DNAH9: variants seen among roughly 807,000 people sequenced by gnomAD.
DNAH9 encodes the protein DNAH9 variant protein.
A neutral mutation model predicts 471.6 loss-of-function variants in DNAH9; 345 were observed. The observed-to-expected ratio is 0.73, with a 90% CI of 0.67 to 0.80. The LOEUF (loss-of-function observed/expected upper bound fraction) is 0.80, where lower values mean the gene tolerates loss of function less well. DNAH9 is among the 30% of genes least tolerant of loss of function. The pLI is 0.00. For missense variants in DNAH9, 5,407 were observed against 5,609.2 expected (o/e 0.96, Z 1.15); for synonymous variants, 2,093 against 2,123.6 (o/e 0.99, Z 0.40).
At chr17:11,854,754 T>C (rs1399010652) in intron 50 of DNAH9, among the ~76,000 whole-genome samples, 2 of 152,224 alleles carry the variant, frequency 1.3e-5, no homozygotes, top group Non-Finnish European at 2.9e-5. Flanking sequence ...TTACCCTTTT[T>C]ACCTGTTCCC....
intron 27 of DNAH9, among the ~76,000 whole-genome samples, chr17:11,721,044 G>A (rs963651911): frequency 1.3e-5 from 2 of 151,922 alleles, no homozygotes; most frequent in African/African-American, 4.8e-5. Flanking sequence ...CATTGTGAAA[G>A]AAACACTCAT....
intron 49 of DNAH9, among the ~76,000 whole-genome samples, chr17:11,843,060 C>T (rs1474527666): frequency 6.6e-6 from 1 of 152,140 alleles, no homozygotes; most frequent in Admixed American, 6.6e-5. Flanking sequence ...AAAACCAATC[C>T]CAATCCAGGA....
chr17:11,861,731 ATGATATCTCATTGTGG>A (rs1336851979), intron 50 of DNAH9, among the ~76,000 whole-genome samples: 6 of 152,120 alleles, frequency 3.9e-5, no homozygotes, highest in Non-Finnish European at 5.9e-5. Flanking sequence ...CTGGTGTGAG[ATGATATCTCATTGTGG>A]TTTTGATTTT....
chr17:11,955,573 C>T (rs986018976), intron 67 of DNAH9, among the ~76,000 whole-genome samples: 1 of 152,162 alleles, frequency 6.6e-6, no homozygotes, highest in Non-Finnish European at 1.5e-5. Flanking sequence ...GCTAGAAGGA[C>T]TCATGAGTTT....
chr17:11,951,104 T>C (rs965126864), intron 67 of DNAH9, among the ~76,000 whole-genome samples: 7 of 152,146 alleles, frequency 4.6e-5, no homozygotes, highest in African/African-American at 9.7e-5. Flanking sequence ...CCCCAAACAA[T>C]TTTGTATAGA....
intron 50 of DNAH9, among the ~76,000 whole-genome samples, chr17:11,862,766 T>G (rs2150978831): frequency 6.6e-6 from 1 of 152,248 alleles, no homozygotes; most frequent in South Asian, 2.1e-4. Context: ...CTAGGTATTT[T>G]ATTCTCTTTG....
chr17:11,861,594 C>T (rs1224337312), intron 50 of DNAH9, among the ~76,000 whole-genome samples: 2 of 149,938 alleles, frequency 1.3e-5, no homozygotes, highest in East Asian at 2.0e-4. Flanking sequence ...CCTGAGGAAT[C>T]GCCACACTGA....
intron 43 of DNAH9, among the ~76,000 whole-genome samples, chr17:11,801,412 G>A (rs1164503691): frequency 1.3e-5 from 2 of 152,138 alleles, no homozygotes; most frequent in African/African-American, 2.4e-5. Flanking sequence ...TCAACCTGCC[G>A]GGCACCGTGG....
intron 51 of DNAH9, 48 bp from the exon 52 acceptor site, chr17:11,871,550 C>T: frequency 6.4e-7 from 1 of 1,560,902 alleles, no homozygotes; most frequent in Non-Finnish European, 8.8e-7. Context: ...GGCTCTATCA[C>T]CTACTGTGTA....
intron 49 of DNAH9, among the ~76,000 whole-genome samples, chr17:11,841,231 A>C (rs187793994): frequency 8.5e-5 from 13 of 152,322 alleles, no homozygotes; most frequent in Admixed American, 8.5e-4. Flanking sequence ...GGCAAGTCTC[A>C]ATCATTTTAG....
chr17:11,894,240 C>A, intron 58 of DNAH9, 134 bp from the exon 59 acceptor site: 1 of 1,168,900 alleles, frequency 8.6e-7, no homozygotes. Context: ...CCACTCTACC[C>A]TCATTAAACA....
chr17:11,787,937 A>C (rs1275330212), intron 41 of DNAH9, among the ~76,000 whole-genome samples: 2 of 152,196 alleles, frequency 1.3e-5, no homozygotes, highest in East Asian at 3.8e-4. Flanking sequence ...AAGTCCAATG[A>C]AACCCCTTTT....
At chr17:11,769,091 C>T in intron 37 of DNAH9, 31 bp from the exon 38 acceptor site, 4 of 1,612,244 alleles carry the variant, frequency 2.5e-6, no homozygotes, top group Non-Finnish European at 3.4e-6. Flanking sequence ...TAGAGCCCAC[C>T]CTTGGCAGGC....
intron 62 of DNAH9, among the ~76,000 whole-genome samples, chr17:11,926,028 A>G (rs1974306534): frequency 9.1e-6 from 1 of 109,970 alleles, no homozygotes; most frequent in East Asian, 2.8e-4. Context: ...AACCTGAGAG[A>G]TTCTCTGAAA....
chr17:11,927,698 T>C (rs1193337744), intron 62 of DNAH9, among the ~76,000 whole-genome samples: 2 of 152,148 alleles, frequency 1.3e-5, no homozygotes, highest in Admixed American at 1.3e-4. Context: ...AGCTGGCTTC[T>C]CTGGTCCTGG....
At position 11,669,269 on chromosome 17, in the gene DNAH9, G is replaced by T; in HGVS notation, c.2928+9G>T. ...GCTCTCCTCACTATCAGGTACTGGA[G>T]CTGCAGCCATCCTGCCCTCCAACTG... is the stretch of plus-strand genomic sequence containing the variant. On this transcript the variant is annotated intron_variant, in intron 16 of 68. Coordinates refer to ENST00000262442, the MANE Select transcript of DNAH9 (RefSeq NM_001372.4). The T allele has an allele frequency of 6.2e-7, 1 of 1,610,136 alleles. No individual in the cohort carries two copies. The highest frequency in any genetic ancestry group is 8.5e-7 in the Non-Finnish European group (1 of 1,177,504).
chr17:11,788,386 C>T (rs536193131), intron 41 of DNAH9, among the ~76,000 whole-genome samples: 11 of 152,242 alleles, frequency 7.2e-5, no homozygotes, highest in African/African-American at 2.6e-4. Context: ...ACACAAAAGC[C>T]ACAAGCATAC....
intron 45 of DNAH9, among the ~76,000 whole-genome samples, chr17:11,814,213 C>T (rs1434095306): frequency 6.6e-6 from 1 of 152,168 alleles, no homozygotes; most frequent in Non-Finnish European, 1.5e-5. Flanking sequence ...TTCAGCAAGT[C>T]CCCACTCTAA....
intron 41 of DNAH9, 149 bp downstream of exon 41, chr17:11,784,688 A>T: frequency 8.7e-7 from 1 of 1,147,558 alleles, no homozygotes; most frequent in Non-Finnish European, 1.2e-6. Context: ...AGGTACACAC[A>T]GTGCCATGGG....
Sources: gnomAD v4.1 joint callset for allele counts (sites outside exome capture counted in the v4.1 genomes callset) on GRCh38, gnomAD v4.1.1 for gene constraint, MANE v1.5 for transcripts, NCBI Gene and HGNC (gene_info 2026-07-23, HGNC 2026-07-21) for gene names.